MERTK: variants seen among roughly 807,000 people sequenced by gnomAD.
MERTK encodes MER proto-oncogene, tyrosine kinase.
In MERTK, 69 loss-of-function variants were observed where a neutral mutation model predicts 99.3. The ratio of observed to expected loss-of-function variants is 0.70; its 90% CI spans 0.57 to 0.85. The LOEUF is 0.85. MERTK is among the 40% of genes least tolerant of loss of function. The probability of loss-of-function intolerance (pLI) is 0.00; values close to 1 mark genes in which losing one functional copy is unlikely to be tolerated. For synonymous variants in MERTK, 426 were observed against 467.6 expected (o/e 0.91, Z 1.15); for missense variants, 1,125 against 1,249.4 (o/e 0.90, Z 1.50).
At chr2:112,015,014 A>G (rs906984265) in intron 15 of MERTK, among the ~76,000 whole-genome samples, 1 of 152,208 alleles carries the variant, frequency 6.6e-6, no homozygotes, top group East Asian at 1.9e-4. Flanking sequence ...GTGTATATCA[A>G]TAGTTCATTC....
At chr2:112,001,323 A>G (rs1272163306) in intron 11 of MERTK, 37 bp downstream of exon 11, 1 of 1,491,532 alleles carries the variant, frequency 6.7e-7, no homozygotes, top group Admixed American at 1.7e-5. Flanking sequence ...GGCAAAAGTT[A>G]AAATAGTTGA....
At chr2:112,020,647 T>TAA (rs1308455936) in intron 16 of MERTK, 1 of 471,154 alleles carries the variant, frequency 2.1e-6, no homozygotes. Context: ...ATCTTGCTCT[T>TAA]ACTGCAGGTA....
intron 1 of MERTK, among the ~76,000 whole-genome samples, chr2:111,908,395 C>A (rs1684179172): frequency 1.3e-5 from 2 of 151,992 alleles, no homozygotes; most frequent in Non-Finnish European, 2.9e-5. Context: ...CGCCTGTGTA[C>A]TCACTACTTG....
At chr2:111,980,709 C>T (rs557084087) in intron 7 of MERTK, among the ~76,000 whole-genome samples, 2 of 152,140 alleles carry the variant, frequency 1.3e-5, no homozygotes, top group African/African-American at 2.4e-5. Flanking sequence ...TGACCCACTG[C>T]GCCCGGCAGA....
intron 8 of MERTK, among the ~76,000 whole-genome samples, chr2:111,985,918 A>G (rs1676470958): frequency 6.6e-6 from 1 of 152,240 alleles, no homozygotes; most frequent in Non-Finnish European, 1.5e-5. Context: ...GATGCTGCAT[A>G]TAGAGATGAA....
intron 17 of MERTK, 96 bp from the exon 18 acceptor site, chr2:112,022,162 C>A: frequency 6.5e-7 from 1 of 1,542,048 alleles, no homozygotes; most frequent in South Asian, 1.1e-5. Flanking sequence ...TGTGCATGAT[C>A]ATCAGTGTTT....
rs1131244 is a variant in MERTK at position 112,008,396 on chromosome 2, A to G, written c.1881A>G (p.Ser627=). 972,042 of 1,611,140 alleles carry G rather than the reference A, an allele frequency of 0.6. 297,752 individuals are homozygous for G. The highest frequency in any genetic ancestry group is 0.62 in the Admixed American group (37,270 of 59,974). ...AVKTMKLDNS[S]QREIEEFLSE... is the part of the protein sequence containing the mutation. The stretch of plus-strand genomic sequence containing the variant: ...TTTCTCCTCTAGTGGACAACTCTTC[A>G]CAGCGGGAGATCGAGGAGTTTCTCA... Residue 627 remains serine (S), a synonymous_variant, in exon 14 of 19, where the codon TCA becomes TCG. Transcript: ENST00000295408.
chr2:112,000,002 T>C (rs1676836229), intron 10 of MERTK, among the ~76,000 whole-genome samples: 1 of 151,984 alleles, frequency 6.6e-6, no homozygotes, highest in African/African-American at 2.4e-5. Flanking sequence ...ACAAAGTACA[T>C]TCGCAAGGGT....
intron 1 of MERTK, among the ~76,000 whole-genome samples, chr2:111,905,607 A>G (rs929471829): frequency 9.9e-5 from 15 of 151,646 alleles, no homozygotes; most frequent in African/African-American, 3.2e-4. Flanking sequence ...AGCTGGGATT[A>G]CAGGCACCCA....
At chr2:111,994,599 G>C in intron 9 of MERTK, 195 bp downstream of exon 9, 1 of 745,884 alleles carries the variant, frequency 1.3e-6, no homozygotes, top group Admixed American at 1.9e-5. Flanking sequence ...GTGAGACCCT[G>C]TCTCTACAAA....
At chr2:112,027,277 G>A (rs1031584276) in intron 18 of MERTK, among the ~76,000 whole-genome samples, 5 of 148,364 alleles carry the variant, frequency 3.4e-5, no homozygotes, top group Non-Finnish European at 7.4e-5. Flanking sequence ...GTATATATAT[G>A]CCATATATGT....
intron 1 of MERTK, among the ~76,000 whole-genome samples, chr2:111,908,505 C>CA (rs1684182230): frequency 6.6e-6 from 1 of 152,214 alleles, no homozygotes; most frequent in African/African-American, 2.4e-5. Context: ...CATTATCCCA[C>CA]ATTGGGTGTT....
intron 1 of MERTK, among the ~76,000 whole-genome samples, chr2:111,926,934 G>C (rs569261496): frequency 2.0e-4 from 31 of 152,338 alleles, no homozygotes; most frequent in Non-Finnish European, 3.1e-4. Context: ...TGACTGGAGA[G>C]GCAATGGTCC....
At chr2:111,924,265 T>C (rs1206699717) in intron 1 of MERTK, among the ~76,000 whole-genome samples, 1 of 152,236 alleles carries the variant, frequency 6.6e-6, no homozygotes, top group African/African-American at 2.4e-5. Flanking sequence ...TTTATTCCCG[T>C]TGGCAACCCT....
intron 8 of MERTK, among the ~76,000 whole-genome samples, chr2:111,991,191 CT>C (rs759442436): frequency 1.2e-4 from 18 of 152,168 alleles, no homozygotes; most frequent in Admixed American, 2.6e-4. Context: ...GACCAACTAA[CT>C]CATAATCAAA....
chr2:111,913,795 C>T (rs1300959143), intron 1 of MERTK, among the ~76,000 whole-genome samples: 3 of 152,140 alleles, frequency 2.0e-5, no homozygotes, highest in African/African-American at 7.2e-5. Flanking sequence ...GTGATCCACC[C>T]ACCTCAGCCT....
chr2:112,010,585 T>C (rs1677078860), intron 15 of MERTK, among the ~76,000 whole-genome samples: 1 of 152,204 alleles, frequency 6.6e-6, no homozygotes, highest in African/African-American at 2.4e-5. Flanking sequence ...ATGTTGGATG[T>C]AGCTGTAGAG....
intron 1 of MERTK, among the ~76,000 whole-genome samples, chr2:111,926,737 C>G (rs892211699): frequency 6.6e-6 from 1 of 152,106 alleles, no homozygotes; most frequent in Non-Finnish European, 1.5e-5. Context: ...TCTCAGAAAG[C>G]AAACAAAAAC....
intron 4 of MERTK, among the ~76,000 whole-genome samples, chr2:111,958,643 A>G (rs1436616129): frequency 6.6e-6 from 1 of 152,126 alleles, no homozygotes; most frequent in Non-Finnish European, 1.5e-5. Flanking sequence ...GTGCTAGGAC[A>G]TTTGCTATAG....
Sources: allele counts gnomAD v4.1 joint callset (sites outside exome capture counted in the v4.1 genomes callset), GRCh38; gene constraint gnomAD v4.1.1; transcripts MANE v1.5; gene names NCBI Gene and HGNC (gene_info 2026-07-23, HGNC 2026-07-21).